The following PCNX2 variants were observed in gnomAD, a reference collection of about 807,000 sequenced individuals.
PCNX2 encodes the protein pecanex-like protein 2.
In PCNX2, 168 loss-of-function variants were observed where a neutral mutation model predicts 223.8. The observed-to-expected ratio is 0.75, with a 90% CI of 0.66 to 0.85. PCNX2 has a LOEUF of 0.85. PCNX2 is among the 40% of genes least tolerant of loss of function. The pLI, the probability that PCNX2 is intolerant of heterozygous loss-of-function variation, is 0.00. For synonymous variants in PCNX2, 1,006 were observed against 1,052.6 expected (o/e 0.96, Z 0.86); for missense variants, 2,507 against 2,675.5 (o/e 0.94, Z 1.39).
At chr1:233,097,999 A>AC (rs1345783578) in intron 21 of PCNX2, among the ~76,000 whole-genome samples, 6 of 152,122 alleles carry the variant, frequency 3.9e-5, no homozygotes, top group Non-Finnish European at 5.9e-5. Context: ...CAGAAAAAAT[A>AC]CCTCTGGATT....
intron 23 of PCNX2, chr1:233,058,058 C>T (rs1446333321): frequency 1.3e-5 from 13 of 984,980 alleles, no homozygotes; most frequent in Middle Eastern, 5.2e-4. Context: ...TGAAAGCTCT[C>T]GGATCATCTG....
At chr1:233,055,657 T>A (rs1377632272) in intron 24 of PCNX2, among the ~76,000 whole-genome samples, 1 of 152,094 alleles carries the variant, frequency 6.6e-6, no homozygotes, top group East Asian at 1.9e-4. Flanking sequence ...ATTCTAGGAG[T>A]AGCTTTTCTT....
chr1:233,298,263 A>C (rs1036990840), upstream of PCNX2, among the ~76,000 whole-genome samples: 2 of 152,178 alleles, frequency 1.3e-5, no homozygotes, highest in Non-Finnish European at 2.9e-5. Flanking sequence ...TTAGCAAATA[A>C]ATGGGGAAAG....
Position 233,176,242 on chromosome 1 carries a change from G to A in PCNX2, c.3273+1560C>T, listed in dbSNP as rs145377777. Among the ~76,000 whole-genome samples the A allele has an allele frequency of 2.4e-3, 360 of 152,290 alleles. 1 individual carries two copies. The highest frequency in any genetic ancestry group is 8.1e-3 in the African/African-American group (338 of 41,578). ...GTTTGTAAGTTGATACCAAAGAAACGACATCTGCTAAAAGAACTTTTGAAG... is the reference window on the plus strand; with the variant it reads ...GTTTGTAAGTTGATACCAAAGAAACAACATCTGCTAAAAGAACTTTTGAAG... On this transcript the variant is annotated intron_variant, in intron 17 of 33. Coordinates refer to ENST00000258229, the MANE Select transcript of PCNX2 (RefSeq NM_014801.4).
intron 32 of PCNX2, among the ~76,000 whole-genome samples, chr1:232,997,298 TTCTC>T (rs1443810115): frequency 6.6e-6 from 1 of 152,180 alleles, no homozygotes; most frequent in African/African-American, 2.4e-5. Context: ...TATCCTCTCT[TTCTC>T]TCTCTCATAT....
intron 22 of PCNX2, among the ~76,000 whole-genome samples, chr1:233,093,898 G>C (rs1464623447): frequency 6.6e-6 from 1 of 152,196 alleles, no homozygotes; most frequent in Non-Finnish European, 1.5e-5. Flanking sequence ...TATCATGAAA[G>C]TATGTAAATT....
In PCNX2 at chr1:232,998,449, G is replaced by C. The variant is rs986174635; in HGVS notation, c.5604-11C>G. 6.2e-7 allele frequency: 1 copy of C among 1,609,340 alleles called. No individual in the cohort carries two copies. Among genetic ancestry groups the C allele is most frequent in the Non-Finnish European group, 8.5e-7 (1 of 1,178,638 alleles). Reference sequence around the variant, plus strand: ...CAATCCTTCCGCATCCTGTGGGAGGGAGAAGTCCTTTGAGGATTCTCAGCA... The same window carrying C: ...CAATCCTTCCGCATCCTGTGGGAGGCAGAAGTCCTTTGAGGATTCTCAGCA... On this transcript the variant is annotated splice_polypyrimidine_tract_variant and intron_variant, in intron 31 of 33. Coordinates refer to ENST00000258229, the MANE Select transcript of PCNX2 (RefSeq NM_014801.4).
chr1:233,023,907 T>A (rs1282444308), intron 26 of PCNX2, among the ~76,000 whole-genome samples: 1 of 152,156 alleles, frequency 6.6e-6, no homozygotes, highest in African/African-American at 2.4e-5. Flanking sequence ...ATCTTCTGCT[T>A]CCATGTAGCT....
At chr1:233,209,377 A>C (rs963038161) in intron 12 of PCNX2, among the ~76,000 whole-genome samples, 1 of 152,214 alleles carries the variant, frequency 6.6e-6, no homozygotes, top group African/African-American at 2.4e-5. Flanking sequence ...GAGAAAAATT[A>C]AGGAAAAGAT....
At chr1:233,013,480 A>C (rs968082762) in intron 28 of PCNX2, among the ~76,000 whole-genome samples, 2 of 152,162 alleles carry the variant, frequency 1.3e-5, no homozygotes, top group Admixed American at 6.5e-5. Flanking sequence ...CACAGTCAAC[A>C]AGGCTCCCTG....
In PCNX2 at chr1:233,262,972, A is replaced by T; in HGVS notation, c.345T>A (p.Asn115Lys). The change falls in exon 2 of 34, where the codon AAT becomes AAA. Residue 115 changes from asparagine (N) to lysine (K), a missense_variant. By Grantham distance (94) the Asn-to-Lys change is moderately conservative (BLOSUM62 0). Around this residue, in one of 3 missense-constraint regions of PCNX2, gnomAD observed 1,031 missense variants for 1,021.7 expected, o/e 1.01. Transcript: ENST00000258229. Reference protein sequence around the residue: ...DKEAKGEHITNHRNPSNNRQI... With the variant: ...DKEAKGEHITKHRNPSNNRQI... ...GAAAATATTACCTTGGATTTCTGTGATTAGTTATGTGTTCACCTTTGGCCT... is the reference window on the plus strand; with the variant it reads ...GAAAATATTACCTTGGATTTCTGTGTTTAGTTATGTGTTCACCTTTGGCCT... 6.2e-7 allele frequency: 1 copy of T among 1,613,284 alleles called. No individual in the cohort carries two copies. Among genetic ancestry groups the T allele is most frequent in the South Asian group, 1.1e-5 (1 of 91,008 alleles).
intron 9 of PCNX2, among the ~76,000 whole-genome samples, chr1:233,229,348 T>G (rs139630780): frequency 1.3e-5 from 2 of 152,210 alleles, no homozygotes; most frequent in South Asian, 4.1e-4. Context: ...AGATTGTAAG[T>G]GCTACTTGTG....
intron 17 of PCNX2, among the ~76,000 whole-genome samples, chr1:233,167,446 A>C (rs557295306): frequency 6.6e-6 from 1 of 152,282 alleles, no homozygotes; most frequent in African/African-American, 2.4e-5. Flanking sequence ...TAGAAATTAT[A>C]AAGTAGCAGA....
chr1:233,154,062 G>A (rs1677971429), intron 19 of PCNX2, among the ~76,000 whole-genome samples: 1 of 151,940 alleles, frequency 6.6e-6, no homozygotes, highest in East Asian at 1.9e-4. Flanking sequence ...ATGTTTAATT[G>A]ATGTGTTTTT....
the PCNX2 span, among the ~76,000 whole-genome samples, chr1:233,318,311 T>A: frequency 1.3e-5 from 2 of 152,120 alleles, no homozygotes; most frequent in Non-Finnish European, 1.5e-5. Flanking sequence ...AGGGACTATT[T>A]TTCCTCACCC....
chr1:233,129,434 G>A (rs552194517), intron 21 of PCNX2, among the ~76,000 whole-genome samples: 8 of 152,276 alleles, frequency 5.3e-5, no homozygotes, highest in African/African-American at 1.4e-4. Flanking sequence ...AAGCCTCCCC[G>A]AAGAGCGCTG....
chr1:233,151,682 A>AT (rs112323949), intron 19 of PCNX2, among the ~76,000 whole-genome samples: 8,002 of 151,562 alleles, frequency 0.053, 676 homozygotes, highest in African/African-American at 0.18. Flanking sequence ...TTATTTATTT[A>AT]TTTATTTTTG....
intron 21 of PCNX2, among the ~76,000 whole-genome samples, chr1:233,132,215 G>A (rs577106674): frequency 2.6e-5 from 4 of 152,040 alleles, no homozygotes; most frequent in South Asian, 2.1e-4. Flanking sequence ...TACCCTCCTC[G>A]GCATCCCAAA....
intron 24 of PCNX2, chr1:233,054,709 TTA>T: frequency 2.2e-6 from 1 of 459,578 alleles, no homozygotes; most frequent in Admixed American, 3.9e-5. Flanking sequence ...CAGCATCGAT[TTA>T]TATATATGTG....
Sources: allele counts gnomAD v4.1 joint callset (sites outside exome capture counted in the v4.1 genomes callset), GRCh38; gene constraint gnomAD v4.1.1; regional missense constraint gnomAD v4.1.1; transcripts MANE v1.5; gene names NCBI Gene and HGNC (gene_info 2026-07-23, HGNC 2026-07-21).